ATP6V0E2: variants seen among roughly 807,000 people sequenced by gnomAD.
The protein encoded by ATP6V0E2 is V-type proton ATPase subunit e 2.
In ATP6V0E2, 4 loss-of-function variants were observed where a neutral mutation model predicts 11.5. That is an observed-to-expected ratio of 0.35 (90% CI 0.17 to 0.80). The LOEUF is 0.80. Among genes scored for constraint, ATP6V0E2 ranks in the 30% least tolerant of loss-of-function variants. The pLI, the probability that ATP6V0E2 is intolerant of heterozygous loss-of-function variation, is 0.53. For synonymous variants in ATP6V0E2, 52 were observed against 51.0 expected, an observed-to-expected ratio of 1.02 and a Z score of -0.09; for missense variants, 93 against 113.5, an observed-to-expected ratio of 0.82 and a Z score of 0.82.
In ATP6V0E2 at chr7:149,879,446, A is replaced by G; in HGVS notation, c.*131A>G. 1 of 1,601,664 alleles carries G rather than the reference A, an allele frequency of 6.2e-7. No individual in the cohort carries two copies. On this transcript the variant is annotated 3_prime_UTR_variant, in exon 4 of 4. Coordinates refer to ENST00000425642, the MANE Select transcript of ATP6V0E2 (RefSeq NM_145230.4). ...CCAGCTCCCTCCTGCTGGCACCCAGAGACCCGGACCCGCAGGGCCTGCCTG... is the reference window on the plus strand; with the variant it reads ...CCAGCTCCCTCCTGCTGGCACCCAGGGACCCGGACCCGCAGGGCCTGCCTG...
chr7:149,879,410 A>C lies in ATP6V0E2; in HGVS notation c.*95A>C. On this transcript the variant is annotated 3_prime_UTR_variant, in exon 4 of 4. Transcript: ENST00000425642. ...CGTCCGGACCCTCCCCCACACAACT[A>C]TGTCTGGTCACCAGCTCCCTCCTGC... The C allele has an allele frequency of 6.2e-7, 1 of 1,604,566 alleles. No homozygotes were observed. The highest frequency in any genetic ancestry group is 8.5e-7 in the Non-Finnish European group (1 of 1,175,784).
chr7:149,879,051 A>G, intron 3 of ATP6V0E2: 1 of 1,360,418 alleles, frequency 7.4e-7, no homozygotes, highest in Non-Finnish European at 9.7e-7. Flanking sequence ...TATTTCATGA[A>G]AAGAAAAGGT....
chr7:149,875,951 T>A, intron 2 of ATP6V0E2: 1 of 596,002 alleles, frequency 1.7e-6, no homozygotes, highest in Non-Finnish European at 3.2e-6. Flanking sequence ...CTGGGTCACC[T>A]GGAGTGATTG....
upstream of ATP6V0E2, chr7:149,873,650 GAGCCGGCGCGGCGCGTGAAGGGC>G (rs1586089267): frequency 8.2e-6 from 3 of 366,330 alleles, no homozygotes; most frequent in East Asian, 1.3e-4. Context: ...GCTTCGGGCC[GAGCCGGCGCGGCGCGTGAAGGGC>G]AGGGGACGCC....
intron 2 of ATP6V0E2, among the ~76,000 whole-genome samples, chr7:149,876,663 C>CAAGAGATAAGTTCA (rs1328015874): frequency 6.6e-6 from 1 of 152,210 alleles, no homozygotes; most frequent in Non-Finnish European, 1.5e-5. Flanking sequence ...GGCTGCCAAC[C>CAAGAGATAAGTTCA]AAGAGATAAG....
chr7:149,873,608 T>G, upstream of ATP6V0E2: 2 of 279,398 alleles, frequency 7.2e-6, no homozygotes, highest in South Asian at 1.4e-4. Context: ...GCCGTCAGGT[T>G]CGGGGCGGCC....
At chr7:149,876,205 G>A (rs1049169225) in intron 2 of ATP6V0E2, 2 of 406,846 alleles carry the variant, frequency 4.9e-6, no homozygotes, top group African/African-American at 2.2e-5. Context: ...GTGAAACTCC[G>A]TCTCTACTAA....
chr7:149,875,716 C>A (rs1363100314), intron 2 of ATP6V0E2, 71 bp downstream of exon 2: 3 of 1,438,280 alleles, frequency 2.1e-6, no homozygotes. Flanking sequence ...CTCACCCTAG[C>A]CTGCTCTTCC....
rs1419692813 is a variant in ATP6V0E2 at position 149,878,786 on chromosome 7, C to A, written c.*15C>A. The A allele has an allele frequency of 1.2e-6, 2 of 1,612,640 alleles. No individual in the cohort carries two copies. Among genetic ancestry groups the A allele is most frequent in the South Asian group, 1.1e-5 (1 of 91,062 alleles). On this transcript the variant is annotated 3_prime_UTR_variant, in exon 3 of 4. Transcript: ENST00000425642. ...TGTGGGAGTGACCCGCCGCCCCCGA[C>A]CCAGGTACTGTGTGGGCGAGGGGTG...
intron 2 of ATP6V0E2, chr7:149,876,068 G>A (rs1417829014): frequency 1.1e-5 from 5 of 460,630 alleles, no homozygotes; most frequent in Non-Finnish European, 2.2e-5. Context: ...TGACTGGAAT[G>A]CAGCCATCTT....
intron 2 of ATP6V0E2, among the ~76,000 whole-genome samples, chr7:149,876,619 C>T (rs774671435): frequency 6.6e-6 from 1 of 152,152 alleles, no homozygotes; most frequent in Non-Finnish European, 1.5e-5. Flanking sequence ...CATCCCAAAC[C>T]TGCGGTTACA....
intron 2 of ATP6V0E2, chr7:149,875,983 G>A (rs1006849520): frequency 9.2e-6 from 5 of 545,086 alleles, no homozygotes; most frequent in African/African-American, 3.7e-5. Context: ...TTTTCAGGCT[G>A]CACCCTACAC....
At chr7:149,876,562 A>G (rs1803154588) in intron 2 of ATP6V0E2, among the ~76,000 whole-genome samples, 1 of 152,170 alleles carries the variant, frequency 6.6e-6, no homozygotes, top group African/African-American at 2.4e-5. Context: ...CCTCTTTATT[A>G]AAAAAATTTT....
Position 149,874,014 on chromosome 7 carries a change from G to A in ATP6V0E2, c.-52G>A. ...TGCCCGGCTGGGGACCCGCGCACCTGCAGCGCCCGCTGCTCGGCCCTGCAT... is the reference window on the plus strand; with the variant it reads ...TGCCCGGCTGGGGACCCGCGCACCTACAGCGCCCGCTGCTCGGCCCTGCAT... On this transcript the variant is annotated 5_prime_UTR_variant, in exon 1 of 4. Transcript: ENST00000425642. 6.5e-7 allele frequency: 1 copy of A among 1,547,184 alleles called. No individual in the cohort carries two copies. Among genetic ancestry groups the A allele is most frequent in the Non-Finnish European group, 8.7e-7 (1 of 1,145,956 alleles).
At chr7:149,874,498 T>G in intron 1 of ATP6V0E2, 1 of 273,264 alleles carries the variant, frequency 3.7e-6, no homozygotes. Context: ...CTAGAGCCAA[T>G]ATCAAGTCTC....
At position 149,878,532 on chromosome 7, in the gene ATP6V0E2, G is replaced by A. The variant is rs1044970431; in HGVS notation, c.153-146G>A. The A allele has an allele frequency of 2.9e-5, 18 of 614,440 alleles. No individual in the cohort carries two copies. The African/African-American group carries it at 3.3e-4, about 11-fold the overall frequency. 38.1% of individuals were successfully genotyped at this position (614,440 alleles called of 1,614,324 possible). A position where few individuals can be genotyped will look rare whatever the true frequency, so the allele number is the denominator to read the frequency against. On this transcript the variant is annotated intron_variant, in intron 2 of 3. Coordinates refer to ENST00000425642, the MANE Select transcript of ATP6V0E2 (RefSeq NM_145230.4). ...CCCATGTGCCTGCCGGAGTGTGGAT[G>A]GCTCCCTGGGCCCTTCTTCACCCTG...
At chr7:149,879,224 G>T in intron 3 of ATP6V0E2, 111 bp from the exon 4 acceptor site, 1 of 1,403,214 alleles carries the variant, frequency 7.1e-7, no homozygotes, top group South Asian at 1.7e-5. Flanking sequence ...GGGAGGGAAA[G>T]GGTAAGCTGA....
intron 2 of ATP6V0E2, chr7:149,875,850 C>A: frequency 1.5e-6 from 1 of 684,712 alleles, no homozygotes. Context: ...CTGGATCTGG[C>A]TCTGCCCCCA....
Position 149,874,104 on chromosome 7 carries a change from C to T in ATP6V0E2, c.39C>T (p.Phe13=), listed in dbSNP as rs1353027507. ...CATTCGCCCTCCCGGTCATCATCTT[C>T]ACCACGTTCTGGGGCCTCGTCGGCA... ...AHSFALPVII[F]TTFWGLVGIA... The change falls in exon 1 of 4, where the codon TTC becomes TTT. Residue 13 remains phenylalanine, a synonymous_variant. Coordinates refer to ENST00000425642, the MANE Select transcript of ATP6V0E2 (RefSeq NM_145230.4). 6.5e-7 allele frequency: 1 copy of T among 1,550,044 alleles called. No individual in the cohort carries two copies. Among genetic ancestry groups the T allele is most frequent in the South Asian group, 1.2e-5 (1 of 84,064 alleles).
Sources: gnomAD v4.1 joint callset for allele counts (sites outside exome capture counted in the v4.1 genomes callset) on GRCh38, gnomAD v4.1.1 for gene constraint, MANE v1.5 for transcripts, NCBI Gene and HGNC (gene_info 2026-07-23, HGNC 2026-07-21) for gene names.